Variants in FAM151A observed in about 807,000 individuals in gnomAD.
The protein encoded by FAM151A is protein FAM151A.
Under a neutral mutation model 40.4 loss-of-function variants are expected in FAM151A, and 41 were observed. The ratio of observed to expected loss-of-function variants is 1.01; its 90% CI spans 0.79 to 1.32. The LOEUF (loss-of-function observed/expected upper bound fraction) is 1.32. FAM151A is among the 40% of genes most tolerant of loss of function. The pLI is 0.00. For missense variants in FAM151A, 740 were observed against 740.4 expected, an observed-to-expected ratio of 1.00 and a Z score of 0.01; for synonymous variants, 337 against 312.5, an observed-to-expected ratio of 1.08 and a Z score of -0.83.
chr1:54,622,248 G>A (rs1424634767), intron 1 of FAM151A, among the ~76,000 whole-genome samples: 4 of 135,346 alleles, frequency 3.0e-5, no homozygotes, highest in Non-Finnish European at 4.7e-5. Flanking sequence ...CGCACTCTAG[G>A]CTGAGTGACA....
At chr1:54,621,227 C>T (rs1196921690) in intron 1 of FAM151A, among the ~76,000 whole-genome samples, 3 of 151,234 alleles carry the variant, frequency 2.0e-5, no homozygotes, top group African/African-American at 7.3e-5. Context: ...GAGACCGAGG[C>T]AGGCGGATCA....
In FAM151A at chr1:54,609,842, A is replaced by C; in HGVS notation, c.1184T>G (p.Leu395Arg). 6.2e-7 allele frequency: 1 copy of C among 1,614,134 alleles called. No homozygotes were observed. Among genetic ancestry groups the C allele is most frequent in the Non-Finnish European group, 8.5e-7 (1 of 1,180,022 alleles). Residue 395 changes from leucine to arginine, a missense_variant, in exon 8 of 8, where the codon CTG becomes CGG. By Grantham distance (102) the Leu-to-Arg change is moderately radical (BLOSUM62 -2). Transcript: ENST00000302250. ...GGCCAGCTGCTGCAGGCAGGACTCC[A>C]GCGTCAGGATGTTGCCACTTGGAGT... ...VHTPSGNILT[L>R]ESCLQQLATH...
At chr1:54,618,672 G>T (rs925514686) in intron 2 of FAM151A, among the ~76,000 whole-genome samples, 7 of 152,118 alleles carry the variant, frequency 4.6e-5, no homozygotes, top group Non-Finnish European at 1.0e-4. Flanking sequence ...TGGTCCTCAG[G>T]AAGCCATATT....
At chr1:54,623,211 G>GAGA in intron 1 of FAM151A, 67 bp downstream of exon 1, 4 of 1,034,828 alleles carry the variant, frequency 3.9e-6, no homozygotes, top group Non-Finnish European at 4.5e-6. Context: ...AGCTGTAAGT[G>GAGA]AGAAGTGGGG....
chr1:54,618,229 C>T (rs1268147471), intron 2 of FAM151A, among the ~76,000 whole-genome samples: 4 of 152,134 alleles, frequency 2.6e-5, no homozygotes, highest in Non-Finnish European at 5.9e-5. Context: ...CTCAGCCGGG[C>T]GCGGTGGCTC....
rs748308425 is a variant in FAM151A, at chr1:54,616,014, C to T, written c.415+6G>A. 1 of 1,613,260 alleles carries T rather than the reference C, an allele frequency of 6.2e-7. No homozygotes were observed. Among genetic ancestry groups the T allele is most frequent in the Non-Finnish European group, 8.5e-7 (1 of 1,179,928 alleles). On this transcript the variant is annotated splice_donor_region_variant and intron_variant, in intron 3 of 7. Transcript: ENST00000302250. ...GGCCGGAGAGGGTTTCCAGAGAGGC[C>T]CTTACCCTTTTGGGAAGAGCCCAGC...
chr1:54,620,048 C>A (rs778764073), intron 1 of FAM151A, 41 bp from the exon 2 acceptor site: 36 of 1,602,550 alleles, frequency 2.2e-5, no homozygotes, highest in Non-Finnish European at 2.9e-5. Context: ...CTGTCCTCGC[C>A]CCAGCCCAAG....
At chr1:54,610,294 G>A (rs1456335077) in intron 7 of FAM151A, 118 bp downstream of exon 7, 7 of 1,522,318 alleles carry the variant, frequency 4.6e-6, no homozygotes, top group Non-Finnish European at 6.1e-6. Flanking sequence ...CTTGCATCCA[G>A]GGTATGGTGT....
chr1:54,623,069 G>A (rs763723660), intron 1 of FAM151A, among the ~76,000 whole-genome samples: 7 of 151,492 alleles, frequency 4.6e-5, no homozygotes, highest in Middle Eastern at 3.2e-3. Flanking sequence ...CCAGCTACTC[G>A]GGAGGCTGAG....
chr1:54,615,736 C>T (rs981192987), intron 3 of FAM151A, among the ~76,000 whole-genome samples: 1 of 152,156 alleles, frequency 6.6e-6, no homozygotes, highest in African/African-American at 2.4e-5. Context: ...TCTGTGGATA[C>T]AGGAGGGAGC....
rs138994615 is a variant in FAM151A at position 54,609,692 on chromosome 1, G to T, written c.1334C>A (p.Ala445Asp). 35 of 1,614,016 alleles carry T rather than the reference G, an allele frequency of 2.2e-5. No homozygotes were observed. The African/African-American group carries it at 3.5e-4, about 16-fold the overall frequency. ...CGAAAAACTCCCGTGGGAGATTTTGGCCCCAACCCACACAGGCCAATGCAA... is the reference window on the plus strand; with the variant it reads ...CGAAAAACTCCCGTGGGAGATTTTGTCCCCAACCCACACAGGCCAATGCAA... ...GLLHWPVWVG[A>D]KISHGSFSVP... is the part of the protein sequence containing the mutation. The change falls in exon 8 of 8, where the codon GCC (alanine) becomes GAC (aspartate). Residue 445 changes from alanine to aspartate, a missense_variant. Coordinates refer to ENST00000302250, the MANE Select transcript of FAM151A (RefSeq NM_176782.3).
Position 54,614,879 on chromosome 1 carries a change from G to T in FAM151A, c.416-20C>A. 1 of 1,610,354 alleles carries T rather than the reference G, an allele frequency of 6.2e-7. No individual in the cohort carries two copies. Among genetic ancestry groups the T allele is most frequent in the Non-Finnish European group, 8.5e-7 (1 of 1,177,928 alleles). On this transcript the variant is annotated intron_variant, in intron 3 of 7. Coordinates refer to ENST00000302250, the MANE Select transcript of FAM151A (RefSeq NM_176782.3). ...TGATGCCTGTGGGGAAAGGAACAAG[G>T]GCTTGGGGAAATGGCGAAGGAACTA...
At chr1:54,621,316 G>A (rs1644228173) in intron 1 of FAM151A, among the ~76,000 whole-genome samples, 1 of 152,036 alleles carries the variant, frequency 6.6e-6, no homozygotes, top group African/African-American at 2.4e-5. Flanking sequence ...AATTAGCTGG[G>A]CGTGGTGGTC....
At chr1:54,618,146 G>A (rs1644194344) in intron 2 of FAM151A, among the ~76,000 whole-genome samples, 1 of 152,062 alleles carries the variant, frequency 6.6e-6, no homozygotes, top group Admixed American at 6.5e-5. Context: ...CTGTTGCCTG[G>A]CAACACTCTT....
intron 2 of FAM151A, among the ~76,000 whole-genome samples, chr1:54,618,581 G>A (rs907273822): frequency 6.6e-6 from 1 of 152,108 alleles, no homozygotes; most frequent in Admixed American, 6.6e-5. Flanking sequence ...CCTGGGGGCT[G>A]ACTTGCTTGG....
intron 2 of FAM151A, among the ~76,000 whole-genome samples, chr1:54,618,566 C>T (rs1255005493): frequency 6.6e-6 from 1 of 151,968 alleles, no homozygotes; most frequent in Non-Finnish European, 1.5e-5. Context: ...CTTCCAGAGG[C>T]TGAACCTGGG....
chr1:54,619,305 C>T (rs1051004827), intron 2 of FAM151A, among the ~76,000 whole-genome samples: 17 of 152,324 alleles, frequency 1.1e-4, no homozygotes, highest in Middle Eastern at 3.4e-3. Flanking sequence ...TCAAGCGTCA[C>T]GCAGTGGCTT....
At chr1:54,620,039 T>A (rs1464066362) in intron 1 of FAM151A, 32 bp from the exon 2 acceptor site, 1 of 1,607,732 alleles carries the variant, frequency 6.2e-7, no homozygotes. Context: ...TGTTAGCGTC[T>A]GTCCTCGCCC....
At chr1:54,621,547 C>T (rs1340211986) in intron 1 of FAM151A, 2 of 152,160 alleles carry the variant, frequency 1.3e-5, no homozygotes, top group East Asian at 1.9e-4. Flanking sequence ...CGAACTTTAG[C>T]AAAGGAGTTG....
Sources: allele counts gnomAD v4.1 joint callset (sites outside exome capture counted in the v4.1 genomes callset), GRCh38; gene constraint gnomAD v4.1.1; transcripts MANE v1.5; gene names NCBI Gene and HGNC (gene_info 2026-07-23, HGNC 2026-07-21).